TBATA: variants seen among roughly 807,000 people sequenced by gnomAD.
The protein encoded by TBATA is protein TBATA.
TBATA carries 47 observed loss-of-function variants against 38.7 expected under a neutral mutation model. The observed-to-expected ratio is 1.21, with a 90% CI of 0.96 to 1.55. The LOEUF (loss-of-function observed/expected upper bound fraction) is 1.55. TBATA is among the 40% of genes most tolerant of loss of function. TBATA has a pLI of 0.00. For synonymous variants in TBATA, 183 were observed against 170.5 expected, an observed-to-expected ratio of 1.07 and a Z score of -0.57; for missense variants, 436 against 435.6, an observed-to-expected ratio of 1.00 and a Z score of -0.01.
At chr10:70,779,561 A>G in intron 5 of TBATA, 32 bp downstream of exon 5, 1 of 1,453,316 alleles carries the variant, frequency 6.9e-7, no homozygotes, top group African/African-American at 1.5e-5. Context: ...CATGAGCCCC[A>G]GGGTAGAGGG....
At chr10:70,779,856 C>A (rs1843932608) in intron 4 of TBATA, 114 bp from the exon 5 acceptor site, 7 of 1,118,982 alleles carry the variant, frequency 6.3e-6, no homozygotes, top group Non-Finnish European at 8.7e-6. Flanking sequence ...TTCCAGTAAC[C>A]ACCAGCTGAT....
Position 70,775,204 on chromosome 10 carries a change from A to G in TBATA, c.760T>C (p.Tyr254His). ...LLSAIQFWLL[Y>H]APPKEKDLAL... ...GTGTCCTCACCCTTGGGCGGAGCGT[A>G]GAGCAGCCAGAACTGGATTGCGCTT... The change falls in exon 8 of 11, where the codon TAC becomes CAC. Residue 254 changes from tyrosine to histidine, a missense_variant. Coordinates refer to ENST00000456372, the MANE Select transcript of TBATA (RefSeq NM_001318241.2). The G allele has an allele frequency of 6.2e-7, 1 of 1,614,030 alleles. No individual in the cohort carries two copies. Among genetic ancestry groups the G allele is most frequent in the Middle Eastern group, 1.7e-4 (1 of 6,060 alleles).
chr10:70,778,747 G>T, intron 5 of TBATA, 111 bp from the exon 6 acceptor site: 1 of 928,302 alleles, frequency 1.1e-6, no homozygotes, highest in Non-Finnish European at 1.8e-6. Context: ...CTCCCTGCCT[G>T]GATCTTAAAG....
chr10:70,778,648 G>T lies in TBATA; in HGVS notation c.428-12C>A. On this transcript the variant is annotated splice_polypyrimidine_tract_variant and intron_variant, in intron 5 of 10. Coordinates refer to ENST00000456372, the MANE Select transcript of TBATA (RefSeq NM_001318241.2). Reference sequence around the variant, plus strand: ...CTTCTTCCAGGCTTCTGGGAGGAGGGGACAAGGTCCTGCCAACTGAAGTCA... The same window carrying T: ...CTTCTTCCAGGCTTCTGGGAGGAGGTGACAAGGTCCTGCCAACTGAAGTCA... 6.2e-7 allele frequency: 1 copy of T among 1,613,836 alleles called. No individual in the cohort carries two copies. Among genetic ancestry groups the T allele is most frequent in the Non-Finnish European group, 8.5e-7 (1 of 1,179,798 alleles).
At chr10:70,774,736 T>C (rs749762912) in intron 8 of TBATA, among the ~76,000 whole-genome samples, 2 of 152,152 alleles carry the variant, frequency 1.3e-5, no homozygotes, top group Non-Finnish European at 2.9e-5. Context: ...CTCCTCACCC[T>C]TCTACTCAGA....
chr10:70,774,037 TGA>T (rs1387795253), intron 9 of TBATA, 174 bp downstream of exon 9: 1 of 422,308 alleles, frequency 2.4e-6, no homozygotes, highest in Non-Finnish European at 3.2e-6. Flanking sequence ...GTGTTGGCCT[TGA>T]AGTGGCTTGG....
intron 9 of TBATA, 79 bp from the exon 10 acceptor site, chr10:70,772,645 G>T: frequency 6.9e-7 from 1 of 1,446,684 alleles, no homozygotes; most frequent in Non-Finnish European, 9.7e-7. Context: ...AGACAGGGAG[G>T]TGGGGAAGGT....
Position 70,776,503 on chromosome 10 carries a change from C to T in TBATA, c.693+650G>A, listed in dbSNP as rs532719827. ...CCATCCGTGGCATGGAGGTGCTGAA[C>T]CCTGTCTGCTCTATCCACTTTGCTG... On this transcript the variant is annotated intron_variant, in intron 7 of 10. Coordinates refer to ENST00000456372, the MANE Select transcript of TBATA (RefSeq NM_001318241.2). 7.2e-4 allele frequency: 318 copies of T among 440,614 alleles called. 1 individual carries two copies. The highest frequency in any genetic ancestry group is 6.2e-3 in the African/African-American group (308 of 49,994). The allele number at this position is 440,614 out of a possible 1,614,324, so 27.3% of individuals were successfully genotyped here.
chr10:70,774,943 A>C (rs1386702913), intron 8 of TBATA, among the ~76,000 whole-genome samples: 2 of 152,052 alleles, frequency 1.3e-5, no homozygotes, highest in Non-Finnish European at 1.5e-5. Flanking sequence ...TGGGGTCAGC[A>C]TGAAAGAGGG....
At chr10:70,777,649 G>T (rs1318494059) in intron 6 of TBATA, 2 of 424,262 alleles carry the variant, frequency 4.7e-6, no homozygotes, top group Middle Eastern at 6.6e-4. Flanking sequence ...TCGATCGCTG[G>T]ATGCCCGCGG....
chr10:70,782,410 G>T (rs1290023822), intron 3 of TBATA: 2 of 1,303,760 alleles, frequency 1.5e-6, no homozygotes, highest in Non-Finnish European at 2.0e-6. Context: ...CCCTGGGGAT[G>T]GGGATGGTCT....
Position 70,783,393 on chromosome 10 carries a change from A to G in TBATA, c.-14T>C. ...ATCTGTAGCCATTGTATGCTTTTTA[A>G]CAGACTAAAGGCCAGTGCACTTAAT... is the stretch of plus-strand genomic sequence containing the variant. On this transcript the variant is annotated 5_prime_UTR_variant, in exon 3 of 11. Coordinates refer to ENST00000456372, the MANE Select transcript of TBATA (RefSeq NM_001318241.2). 1 of 1,614,066 alleles carries G rather than the reference A, an allele frequency of 6.2e-7. No homozygotes were observed. The highest frequency in any genetic ancestry group is 1.3e-5 in the African/African-American group (1 of 75,048).
Position 70,777,286 on chromosome 10 carries a change from G to A in TBATA, c.560C>T (p.Ala187Val), listed in dbSNP as rs1209810285. 6.2e-7 allele frequency: 1 copy of A among 1,613,762 alleles called. No individual in the cohort carries two copies. Among genetic ancestry groups the A allele is most frequent in the Admixed American group, 1.7e-5 (1 of 60,016 alleles). The change falls in exon 7 of 11, where the codon GCA becomes GTA. Residue 187 changes from alanine (A) to valine (V), a missense_variant. By Grantham distance (64) the Ala-to-Val change is moderately conservative (BLOSUM62 0). Coordinates refer to ENST00000456372, the MANE Select transcript of TBATA (RefSeq NM_001318241.2). ...PLREQGAKYS[A>V]ETGRLIPAST... ...AGCGGGGATGAGCCTCCCAGTCTCT[G>A]CTGAGTACTTTGCCCCCTGCTCCCG... is the stretch of plus-strand genomic sequence containing the variant.
chr10:70,777,123 A>G (rs1392731566), intron 7 of TBATA, 30 bp downstream of exon 7: 2 of 1,604,848 alleles, frequency 1.2e-6, no homozygotes, highest in South Asian at 1.1e-5. Flanking sequence ...GTGGAGAGCC[A>G]GGAGCCTGGG....
rs566687554 is a variant in TBATA, at chr10:70,781,864, G to A, written c.214C>T (p.Leu72Phe). 3.1e-6 allele frequency: 5 copies of A among 1,614,176 alleles called. No homozygotes were observed. Among genetic ancestry groups the A allele is most frequent in the East Asian group, 2.2e-5 (1 of 44,886 alleles). ...QTPGTYCFGRLSHHSFFSRHH... is the reference protein window; with the variant it reads ...QTPGTYCFGRFSHHSFFSRHH... ...CGGGAGAAGAAGGAGTGGTGACTGAGGCGTCCAAAGCAGTAGGTGCCAGGG... is the reference window on the plus strand; with the variant it reads ...CGGGAGAAGAAGGAGTGGTGACTGAAGCGTCCAAAGCAGTAGGTGCCAGGG... Residue 72 changes from leucine to phenylalanine, a missense_variant, in exon 4 of 11, where the codon CTC (leucine) becomes TTC (phenylalanine). Coordinates refer to ENST00000456372, the MANE Select transcript of TBATA (RefSeq NM_001318241.2).
intron 3 of TBATA, 23 bp downstream of exon 3, chr10:70,783,316 A>G (rs1433012084): frequency 6.2e-7 from 1 of 1,613,918 alleles, no homozygotes; most frequent in Admixed American, 1.7e-5. Context: ...CTCAGTCAGC[A>G]GGGTGGGCAT....
rs543398383 is a variant in TBATA at position 70,775,076 on chromosome 10, A to G, written c.775+113T>C. 4.2e-6 allele frequency: 4 copies of G among 961,850 alleles called. No individual in the cohort carries two copies. In the East Asian group the frequency reaches 1.0e-4, roughly 24 times the overall value. The allele number at this position is 961,850 out of a possible 1,614,324, so 59.6% of individuals were successfully genotyped here. A position where few individuals can be genotyped will look rare whatever the true frequency, so the allele number is the denominator to read the frequency against. On this transcript the variant is annotated intron_variant, in intron 8 of 10. Transcript: ENST00000456372. Reference sequence around the variant, plus strand: ...CAAAGTGGAGGAGAGGCCTCCATGGAAGGCCCCCTCCAGGGTGGGAGCTGA... The same window carrying G: ...CAAAGTGGAGGAGAGGCCTCCATGGGAGGCCCCCTCCAGGGTGGGAGCTGA...
Position 70,779,731 on chromosome 10 carries a change from T to C in TBATA, c.289A>G (p.Lys97Glu). 6.5e-7 allele frequency: 1 copy of C among 1,535,846 alleles called. No individual in the cohort carries two copies. The highest frequency in any genetic ancestry group is 8.7e-7 in the Non-Finnish European group (1 of 1,150,630). ...AAATCCCTGACGACACAGACAGGCT[T>C]CCCGGTGAGATCTGCAAAGGGTTAG... ...HVTHIQDLTG[K>E]PVCVVRDFPA... Residue 97 changes from lysine to glutamate, a missense_variant, in exon 5 of 11, where the codon AAG becomes GAG. By Grantham distance (56) the Lys-to-Glu change is moderately conservative. Transcript: ENST00000456372.
chr10:70,774,379 A>C, intron 8 of TBATA, 22 bp from the exon 9 acceptor site: 2 of 1,565,808 alleles, frequency 1.3e-6, no homozygotes, highest in Non-Finnish European at 1.7e-6. Flanking sequence ...GCCCGGGGGC[A>C]GTGTCCTCAG....
Sources: allele counts gnomAD v4.1 joint callset (sites outside exome capture counted in the v4.1 genomes callset), GRCh38; gene constraint gnomAD v4.1.1; transcripts MANE v1.5; gene names NCBI Gene and HGNC (gene_info 2026-07-23, HGNC 2026-07-21).